The following KDM1B variants were observed in gnomAD, a reference collection of about 807,000 sequenced individuals.
KDM1B encodes lysine-specific histone demethylase 2.
Under a neutral mutation model 107.4 loss-of-function variants are expected in KDM1B, and 63 were observed. The observed-to-expected ratio is 0.59, with a 90% confidence interval of 0.48 to 0.72. The LOEUF is 0.72. KDM1B is among the 30% of genes least tolerant of loss of function. The probability of loss-of-function intolerance (pLI) is 0.00; values close to 1 mark genes in which losing one functional copy is unlikely to be tolerated. For synonymous variants in KDM1B, 363 were observed against 363.9 expected, an observed-to-expected ratio of 1.00 and a Z score of 0.03; for missense variants, 749 against 1,020.8, an observed-to-expected ratio of 0.73 and a Z score of 3.63.
At position 18,159,951 on chromosome 6, in the gene KDM1B, A is replaced by T; in HGVS notation, c.56A>T (p.Asp19Val). 1 of 1,609,480 alleles carries T rather than the reference A, an allele frequency of 6.2e-7. No individual in the cohort carries two copies. Among genetic ancestry groups the T allele is most frequent in the Middle Eastern group, 1.7e-4 (1 of 6,060 alleles). The change falls in exon 3 of 22, where the codon GAT becomes GTT. Residue 19 changes from aspartate (D) to valine (V), a missense_variant. Asp to Val is a radical substitution (Grantham distance 152, BLOSUM62 -3). Transcript: ENST00000650836. This position sits in a 1 kb window ranked among gnomAD's most constrained non-coding sequence, Gnocchi z 4.5. ...KKKASFDHSP[D>V]SLPLRSSGRQ... Reference sequence around the variant, plus strand: ...AAAGCATCTTTTGATCATTCTCCGGATAGCCTTCCTTTGAGGAGCTCCGGT... The same window carrying T: ...AAAGCATCTTTTGATCATTCTCCGGTTAGCCTTCCTTTGAGGAGCTCCGGT...
chr6:18,170,897 T>C (rs557394957), intron 6 of KDM1B, among the ~76,000 whole-genome samples: 1 of 151,694 alleles, frequency 6.6e-6, no homozygotes, highest in Admixed American at 6.6e-5. Context: ...CTCGGCTCAC[T>C]GCAAGCTTCG....
Position 18,174,323 on chromosome 6 carries a change from TA to T in KDM1B, c.534+2849del, listed in dbSNP as rs1561915903. The stretch of plus-strand genomic sequence containing the variant: ...TAAATATCAACTTCTTAGTATCCAA[TA>T]AAAAGCCTCTGGGTTTTTTATTGGA... On this transcript the variant is annotated intron_variant, in intron 7 of 21. Coordinates refer to ENST00000650836, the MANE Select transcript of KDM1B (RefSeq NM_001364614.2). 2.0e-5 allele frequency among the ~76,000 whole-genome samples: 3 copies of T among 152,124 alleles called. No homozygotes were observed. The South Asian group carries it at 6.2e-4, about 32-fold the overall frequency.
intron 7 of KDM1B, among the ~76,000 whole-genome samples, chr6:18,179,988 T>G (rs1786341465): frequency 6.7e-6 from 1 of 150,052 alleles, no homozygotes; most frequent in African/African-American, 2.4e-5. Flanking sequence ...CGTAGTCTCC[T>G]GAGTAGCTGG....
intron 7 of KDM1B, among the ~76,000 whole-genome samples, chr6:18,174,453 GTATTTATTTT>G (rs1211948189): frequency 2.0e-5 from 3 of 152,076 alleles, no homozygotes; most frequent in Non-Finnish European, 4.4e-5. Context: ...TGGCTGATAC[GTATTTATTTT>G]TATTTATTTT....
chr6:18,210,372 T>G (rs1279466249), intron 17 of KDM1B, among the ~76,000 whole-genome samples: 1 of 116,876 alleles, frequency 8.6e-6, no homozygotes, highest in African/African-American at 3.2e-5. Flanking sequence ...TTTTTTTTTT[T>G]GTTTTACAGG....
chr6:18,221,404 T>C (rs947999321), intron 21 of KDM1B, among the ~76,000 whole-genome samples: 2 of 152,214 alleles, frequency 1.3e-5, no homozygotes, highest in Non-Finnish European at 2.9e-5. Flanking sequence ...GGTTCTCCTA[T>C]TATTGAGTCG....
chr6:18,201,306 C>T lies in KDM1B; in HGVS notation c.1360-180C>T, dbSNP rs1788015054. Among the ~76,000 whole-genome samples the T allele has an allele frequency of 6.6e-6, 1 of 152,180 alleles. No homozygotes were observed. The highest frequency in any genetic ancestry group is 1.5e-5 in the Non-Finnish European group (1 of 68,032). Reference sequence around the variant, plus strand: ...TCATCAAATAAAATCTTGTAGATTTCATGCTGTTTTTTTTCACTGCCTGAC... The same window carrying T: ...TCATCAAATAAAATCTTGTAGATTTTATGCTGTTTTTTTTCACTGCCTGAC... On this transcript the variant is annotated intron_variant, in intron 13 of 21. Coordinates refer to ENST00000650836, the MANE Select transcript of KDM1B (RefSeq NM_001364614.2). This position sits in a 1 kb window ranked among gnomAD's most constrained non-coding sequence, Gnocchi z 4.3.
intron 7 of KDM1B, among the ~76,000 whole-genome samples, chr6:18,178,630 A>T (rs1189640449): frequency 2.0e-5 from 3 of 151,968 alleles, no homozygotes; most frequent in African/African-American, 7.3e-5. Flanking sequence ...TGACCTCGTG[A>T]TCTACCTGCC....
rs938532330 is a variant in KDM1B at position 18,159,736 on chromosome 6, T to A, written c.-13-147T>A. ...TAGCCTGGGCAACATGGCAAGAATGTCTCAAAAGAAAAGAAAGAAAACTGT... is the reference window on the plus strand; with the variant it reads ...TAGCCTGGGCAACATGGCAAGAATGACTCAAAAGAAAAGAAAGAAAACTGT... On this transcript the variant is annotated intron_variant, in intron 2 of 21. Coordinates refer to ENST00000650836, the MANE Select transcript of KDM1B (RefSeq NM_001364614.2). The surrounding 1 kb of genome is among the most constrained non-coding windows in gnomAD (Gnocchi z 4.5). 3.9e-5 allele frequency: 23 copies of A among 594,810 alleles called. No homozygotes were observed. The African/African-American group carries it at 4.3e-4, about 11-fold the overall frequency. 36.8% of individuals were successfully genotyped at this position (594,810 alleles called of 1,614,324 possible).
Position 18,200,485 on chromosome 6 carries a change from A to T in KDM1B, c.1268A>T (p.Asp423Val). The change falls in exon 13 of 22, where the codon GAT becomes GTT. Residue 423 changes from aspartate (D) to valine (V), a missense_variant. By Grantham distance (152) the Asp-to-Val change is radical. Coordinates refer to ENST00000650836, the MANE Select transcript of KDM1B (RefSeq NM_001364614.2). The surrounding 1 kb of genome is among the most constrained non-coding windows in gnomAD (Gnocchi z 4.3). The stretch of plus-strand genomic sequence containing the variant: ...GACAGAATTGGAGGCCGAGTCTGGG[A>T]TGATAAATCTTTTAAAGGCGTCACA... The part of the protein sequence containing the change: ...AKDRIGGRVW[D>V]DKSFKGVTVG... 1.9e-6 allele frequency: 3 copies of T among 1,614,128 alleles called. No homozygotes were observed. The highest frequency in any genetic ancestry group is 2.5e-6 in the Non-Finnish European group (3 of 1,180,004).
At chr6:18,166,482 C>T in intron 6 of KDM1B, 104 bp downstream of exon 6, 1 of 700,888 alleles carries the variant, frequency 1.4e-6, no homozygotes, top group Non-Finnish European at 2.6e-6. Flanking sequence ...ATTTATTGTT[C>T]CTTCTATGAC....
chr6:18,193,610 AT>A (rs1323277185), intron 10 of KDM1B, among the ~76,000 whole-genome samples: 2 of 151,588 alleles, frequency 1.3e-5, no homozygotes, highest in African/African-American at 4.8e-5. Flanking sequence ...CCTTGAAATG[AT>A]TTTTTTTAAA....
In KDM1B at chr6:18,166,282, T is replaced by C. The variant is rs1785287605; in HGVS notation, c.321T>C (p.Tyr107=). 7 of 1,579,392 alleles carry C rather than the reference T, an allele frequency of 4.4e-6. No individual in the cohort carries two copies. Among genetic ancestry groups the C allele is most frequent in the Non-Finnish European group, 6.1e-6 (7 of 1,148,432 alleles). ...DHYYRSHKDG[Y]DKYTTWKKIW... The stretch of plus-strand genomic sequence containing the variant: ...TGTTTTTCAGCCATAAGGATGGATA[T>C]GACAAATATACTACATGGAAAAAAA... Residue 107 remains tyrosine (Y), a synonymous_variant, in exon 6 of 22, where the codon TAT becomes TAC. Coordinates refer to ENST00000650836, the MANE Select transcript of KDM1B (RefSeq NM_001364614.2).
chr6:18,200,498 T>C lies in KDM1B; in HGVS notation c.1281T>C (p.Phe427=). The C allele has an allele frequency of 1.9e-6, 3 of 1,614,136 alleles. No homozygotes were observed. Among genetic ancestry groups the C allele is most frequent in the East Asian group, 4.5e-5 (2 of 44,870 alleles). The change falls in exon 13 of 22, where the codon TTT becomes TTC. Residue 427 remains phenylalanine, a synonymous_variant. Transcript: ENST00000650836. This position sits in a 1 kb window ranked among gnomAD's most constrained non-coding sequence, Gnocchi z 4.3. ...GCCGAGTCTGGGATGATAAATCTTT[T>C]AAAGGCGTCACAGTGGGAAGAGGAG... is the stretch of plus-strand genomic sequence containing the variant. The part of the protein sequence containing the change: ...IGGRVWDDKS[F]KGVTVGRGAQ...
At chr6:18,196,570 A>G (rs1346666193) in intron 10 of KDM1B, among the ~76,000 whole-genome samples, 1 of 152,026 alleles carries the variant, frequency 6.6e-6, no homozygotes, top group Non-Finnish European at 1.5e-5. Context: ...ATGATTAGTG[A>G]TGGTGAGGAG....
In KDM1B at chr6:18,200,278, T is replaced by C. The variant is rs1344675962; in HGVS notation, c.1222-161T>C. Among the ~76,000 whole-genome samples the C allele has an allele frequency of 6.6e-6, 1 of 152,244 alleles. No homozygotes were observed. The highest frequency in any genetic ancestry group is 2.4e-5 in the African/African-American group (1 of 41,466). On this transcript the variant is annotated intron_variant, in intron 12 of 21. Transcript: ENST00000650836. The surrounding 1 kb of genome is among the most constrained non-coding windows in gnomAD (Gnocchi z 4.3). ...GATTGTTTTGAACATCTATTTTGGC[T>C]TCTCTTCACACTGCCTGCTTTTTAA...
At chr6:18,196,961 C>T (rs1420179892) in intron 10 of KDM1B, 96 bp from the exon 11 acceptor site, 2 of 1,159,096 alleles carry the variant, frequency 1.7e-6, no homozygotes, top group Non-Finnish European at 2.5e-6. Flanking sequence ...TGATTCAGAT[C>T]TTTTACTTGT....
At chr6:18,160,737 C>CA (rs71536775) in intron 3 of KDM1B, among the ~76,000 whole-genome samples, 7,490 of 131,386 alleles carry the variant, frequency 0.057, 656 homozygotes, top group African/African-American at 0.2. Context: ...GACTCTGTCT[C>CA]AAAAAAAAAA....
At position 18,213,659 on chromosome 6, in the gene KDM1B, G is replaced by A; in HGVS notation, c.1987G>A (p.Ala663Thr). ...CTTTCTTCTGCTCACTTTGCAGATTGCCTTGCAATTTCCGTATAGATTTTG... is the reference window on the plus strand; with the variant it reads ...CTTTCTTCTGCTCACTTTGCAGATTACCTTGCAATTTCCGTATAGATTTTG... ...SLGAGIIEKI[A>T]LQFPYRFWDS... The change falls in exon 19 of 22, where the codon GCC becomes ACC. Residue 663 changes from alanine to threonine, a missense_variant. By Grantham distance (58) the Ala-to-Thr change is moderately conservative. Transcript: ENST00000650836. The surrounding 1 kb of genome is among the most constrained non-coding windows in gnomAD (Gnocchi z 5.9). 6.2e-7 allele frequency: 1 copy of A among 1,614,064 alleles called. No individual in the cohort carries two copies. The highest frequency in any genetic ancestry group is 8.5e-7 in the Non-Finnish European group (1 of 1,179,976).
Sources: allele counts gnomAD v4.1 joint callset (sites outside exome capture counted in the v4.1 genomes callset), GRCh38; gene constraint gnomAD v4.1.1; non-coding constraint Gnocchi (gnomAD v3.1); transcripts MANE v1.5; gene names NCBI Gene and HGNC (gene_info 2026-07-23, HGNC 2026-07-21).